VPS26C: variants seen among roughly 807,000 people sequenced by gnomAD.
VPS26C encodes vacuolar protein sorting-associated protein 26C.
A neutral mutation model predicts 30.6 loss-of-function variants in VPS26C; 19 were observed. The observed-to-expected ratio is 0.62, with a 90% CI of 0.43 to 0.91. VPS26C has a LOEUF of 0.91. VPS26C is among the 40% of genes least tolerant of loss of function. The pLI, the probability that VPS26C is intolerant of heterozygous loss-of-function variation, is 0.00. For synonymous variants in VPS26C, 132 were observed against 151.5 expected, an observed-to-expected ratio of 0.87 and a Z score of 0.95; for missense variants, 318 against 385.1, an observed-to-expected ratio of 0.83 and a Z score of 1.46.
At chr21:37,254,019 G>A (rs1012204787) in intron 1 of VPS26C, among the ~76,000 whole-genome samples, 4 of 152,162 alleles carry the variant, frequency 2.6e-5, no homozygotes, top group African/African-American at 9.7e-5. Flanking sequence ...ATAAGTGCAT[G>A]TAAAGACTCC....
chr21:37,267,307 G>C lies in VPS26C; in HGVS notation c.-13C>G, dbSNP rs536080445. 1.0e-5 allele frequency: 16 copies of C among 1,548,516 alleles called. No individual in the cohort carries two copies. In the Admixed American group the frequency reaches 2.1e-4, roughly 20 times the overall value. On this transcript the variant is annotated 5_prime_UTR_variant, in exon 1 of 8. Transcript: ENST00000309117. ...GGGCGGTCCCCATCTCCAATTCTCC[G>C]CAGCAGCCGCCACTTCCGGCTGCGC...
intron 1 of VPS26C, among the ~76,000 whole-genome samples, chr21:37,258,600 C>T (rs1361084961): frequency 2.0e-5 from 3 of 152,136 alleles, no homozygotes; most frequent in African/African-American, 7.2e-5. Flanking sequence ...CTGCAGGTTT[C>T]GGGCCTAAGA....
In VPS26C at chr21:37,267,312, A is replaced by G; in HGVS notation, c.-18T>C. The G allele has an allele frequency of 6.3e-7, 1 of 1,595,260 alleles. No individual in the cohort carries two copies. The highest frequency in any genetic ancestry group is 1.1e-5 in the South Asian group (1 of 90,826). The stretch of plus-strand genomic sequence containing the variant: ...GTCCCCATCTCCAATTCTCCGCAGC[A>G]GCCGCCACTTCCGGCTGCGCGTGAC... On this transcript the variant is annotated 5_prime_UTR_variant, in exon 1 of 8. Transcript: ENST00000309117.
chr21:37,254,253 AGG>A (rs1233228436), intron 1 of VPS26C, among the ~76,000 whole-genome samples: 1 of 152,246 alleles, frequency 6.6e-6, no homozygotes, highest in Non-Finnish European at 1.5e-5. Context: ...AATCCAAGCC[AGG>A]ATGCAGGCAA....
chr21:37,257,741 G>A lies in VPS26C; in HGVS notation c.57+9497C>T, dbSNP rs954131920. Among the ~76,000 whole-genome samples, 3 of 152,230 alleles carry A rather than the reference G, an allele frequency of 2.0e-5. No homozygotes were observed. In the East Asian group the frequency reaches 5.8e-4, roughly 29 times the overall value. The stretch of plus-strand genomic sequence containing the variant: ...AAGAAAGGACTGGAGGGGAGGGAAA[G>A]GGGTGGGGAGCGAGGGTACCAGAGG... On this transcript the variant is annotated intron_variant, in intron 1 of 7. Coordinates refer to ENST00000309117, the MANE Select transcript of VPS26C (RefSeq NM_006052.2). This position sits in a 1 kb window ranked among gnomAD's most constrained non-coding sequence, Gnocchi z 4.2.
In VPS26C at chr21:37,257,093, C is replaced by T. The variant is rs1175487954; in HGVS notation, c.57+10145G>A. Among the ~76,000 whole-genome samples the T allele has an allele frequency of 6.6e-6, 1 of 152,118 alleles. No homozygotes were observed. Among genetic ancestry groups the T allele is most frequent in the African/African-American group, 2.4e-5 (1 of 41,402 alleles). ...GCTGCAGTGAGCTGAGACTGTACCA[C>T]TGCACTCCAGCCTGGGTGACAGAGT... is the stretch of plus-strand genomic sequence containing the variant. On this transcript the variant is annotated intron_variant, in intron 1 of 7. Coordinates refer to ENST00000309117, the MANE Select transcript of VPS26C (RefSeq NM_006052.2). The surrounding 1 kb of genome is among the most constrained non-coding windows in gnomAD (Gnocchi z 4.2).
chr21:37,232,259 A>G (rs2085972477), intron 5 of VPS26C, 118 bp downstream of exon 5: 1 of 819,322 alleles, frequency 1.2e-6, no homozygotes, highest in African/African-American at 1.7e-5. Context: ...GTACAATCAG[A>G]AATCTCTGCC....
At chr21:37,245,487 TC>T (rs2086128630) in intron 1 of VPS26C, among the ~76,000 whole-genome samples, 1 of 152,180 alleles carries the variant, frequency 6.6e-6, no homozygotes, top group Non-Finnish European at 1.5e-5. Flanking sequence ...AGGACTCGGT[TC>T]CGTGAGCCCA....
chr21:37,259,565 TAACC>T (rs767060867), intron 1 of VPS26C, among the ~76,000 whole-genome samples: 19 of 152,328 alleles, frequency 1.2e-4, no homozygotes, highest in Middle Eastern at 3.4e-3. Flanking sequence ...AGGATTTTTC[TAACC>T]AATAAGCTCC....
At chr21:37,240,450 T>C in intron 2 of VPS26C, 46 bp downstream of exon 2, 1 of 1,608,164 alleles carries the variant, frequency 6.2e-7, no homozygotes, top group African/African-American at 1.3e-5. Context: ...CAGCCCAACA[T>C]TTCAATATTG....
intron 5 of VPS26C, chr21:37,229,254 T>G (rs984470514): frequency 6.5e-6 from 1 of 153,186 alleles, no homozygotes; most frequent in South Asian, 2.1e-4. Flanking sequence ...AGAATTGTCT[T>G]GGGTCACACA....
intron 1 of VPS26C, among the ~76,000 whole-genome samples, chr21:37,248,929 A>G (rs1234785390): frequency 6.6e-6 from 1 of 152,198 alleles, no homozygotes; most frequent in Non-Finnish European, 1.5e-5. Context: ...CAAGGAATAT[A>G]AGCATAGTTT....
At chr21:37,250,262 G>A (rs1009283791) in intron 1 of VPS26C, among the ~76,000 whole-genome samples, 4 of 151,166 alleles carry the variant, frequency 2.6e-5, no homozygotes, top group African/African-American at 9.7e-5. Context: ...CTGAGATCAC[G>A]CCACTGCACT....
intron 1 of VPS26C, among the ~76,000 whole-genome samples, chr21:37,265,452 T>C (rs1288733490): frequency 2.0e-5 from 3 of 152,186 alleles, no homozygotes; most frequent in Admixed American, 2.0e-4. Flanking sequence ...TGATCCTAAA[T>C]ACTTCAGCAT....
rs1418309436 is a variant in VPS26C at position 37,240,461 on chromosome 21, A to G, written c.201+35T>C. ...CGCCCAGCCCAACATTTCAATATTG[A>G]ACTAAAAACTTGCAATCTAAGCATT... On this transcript the variant is annotated intron_variant, in intron 2 of 7. Transcript: ENST00000309117. 3.1e-6 allele frequency: 5 copies of G among 1,611,402 alleles called. No individual in the cohort carries two copies. In the East Asian group the frequency reaches 1.1e-4, roughly 36 times the overall value.
At chr21:37,250,119 C>A (rs1297316414) in intron 1 of VPS26C, among the ~76,000 whole-genome samples, 1 of 151,902 alleles carries the variant, frequency 6.6e-6, no homozygotes, top group African/African-American at 2.4e-5. Context: ...ACTTGGCCAA[C>A]ATGGTGAAAC....
chr21:37,261,056 T>G (rs2086298807), intron 1 of VPS26C: 1 of 152,194 alleles, frequency 6.6e-6, no homozygotes, highest in Admixed American at 6.5e-5. Context: ...AAGTGGTGAG[T>G]ACTGCCAGGC....
chr21:37,256,964 T>C (rs112414961), intron 1 of VPS26C, among the ~76,000 whole-genome samples: 4,359 of 152,098 alleles, frequency 0.029, 210 homozygotes, highest in African/African-American at 0.1. Flanking sequence ...GCAGAAACCC[T>C]GTCTCTACAA....
Position 37,227,284 on chromosome 21 carries a change from C to G in VPS26C, c.811+370G>C, listed in dbSNP as rs569023745. ...TCAGCGTCACCTGCCCATGTCTACACAGAGCTCAGCGTCACCTGCCCATGT... is the reference window on the plus strand; with the variant it reads ...TCAGCGTCACCTGCCCATGTCTACAGAGAGCTCAGCGTCACCTGCCCATGT... On this transcript the variant is annotated intron_variant, in intron 7 of 7. Transcript: ENST00000309117. 4.0e-5 allele frequency: 8 copies of G among 198,506 alleles called. No individual in the cohort carries two copies. The East Asian group carries it at 1.1e-3, about 27-fold the overall frequency. The allele number at this position is 198,506 out of a possible 1,614,324, so 12.3% of individuals were successfully genotyped here. A position where few individuals can be genotyped will look rare whatever the true frequency, so the allele number is the denominator to read the frequency against.
Sources: allele counts gnomAD v4.1 joint callset (sites outside exome capture counted in the v4.1 genomes callset), GRCh38; gene constraint gnomAD v4.1.1; non-coding constraint Gnocchi (gnomAD v3.1); transcripts MANE v1.5; gene names NCBI Gene and HGNC (gene_info 2026-07-23, HGNC 2026-07-21).